TIMP2: variants seen among roughly 807,000 people sequenced by gnomAD.
TIMP2 encodes metalloproteinase inhibitor 2.
Under a neutral mutation model 24.3 loss-of-function variants are expected in TIMP2, and 5 were observed. The ratio of observed to expected loss-of-function variants is 0.21; its 90% CI spans 0.11 to 0.43. The LOEUF (loss-of-function observed/expected upper bound fraction) is 0.43. Ranked by LOEUF, TIMP2 falls within the 20% of genes least tolerant of loss-of-function variation. The pLI is 1.00. For synonymous variants in TIMP2, 130 were observed against 123.2 expected (o/e 1.06, Z -0.37); for missense variants, 221 against 297.5 (o/e 0.74, Z 1.89).
At chr17:78,918,814 C>T (rs889505971) in intron 1 of TIMP2, among the ~76,000 whole-genome samples, 7 of 152,084 alleles carry the variant, frequency 4.6e-5, no homozygotes, top group African/African-American at 1.4e-4. Flanking sequence ...GCCTGGGCAA[C>T]ATGGCGAAAC....
intron 1 of TIMP2, among the ~76,000 whole-genome samples, chr17:78,921,690 C>T (rs1479873005): frequency 2.0e-5 from 3 of 152,208 alleles, no homozygotes; most frequent in Admixed American, 6.5e-5. Flanking sequence ...ACACAAAATG[C>T]TTCCCGTTTG....
At position 78,874,763 on chromosome 17, in the gene TIMP2, C is replaced by T. The variant is rs972797128; in HGVS notation, c.131-844G>A. On this transcript the variant is annotated intron_variant, in intron 1 of 4. Transcript: ENST00000262768. ...CGGTTAATTTTTTTTTTTTTTCAGA[C>T]GGAGTCTCACTCTGTCGTCCAGGCT... Among the ~76,000 whole-genome samples the T allele has an allele frequency of 5.1e-5, 7 of 137,372 alleles. No homozygotes were observed. In the East Asian group the frequency reaches 9.1e-4, roughly 18 times the overall value. 90.1% of individuals were successfully genotyped at this position (137,372 alleles called of 152,430 possible).
At chr17:78,922,763 G>T (rs139703666) in intron 1 of TIMP2, among the ~76,000 whole-genome samples, 3 of 152,088 alleles carry the variant, frequency 2.0e-5, no homozygotes, top group African/African-American at 7.2e-5. Flanking sequence ...AGGCTGCAGC[G>T]AGCCGAGATT....
intron 1 of TIMP2, among the ~76,000 whole-genome samples, chr17:78,923,361 C>G (rs2070322226): frequency 7.0e-6 from 1 of 143,042 alleles, no homozygotes; most frequent in South Asian, 2.3e-4. Flanking sequence ...TGGACATTCT[C>G]CCACACAGCT....
chr17:78,870,433 G>C (rs111936444), intron 3 of TIMP2, among the ~76,000 whole-genome samples: 1 of 134,258 alleles, frequency 7.4e-6, no homozygotes, highest in Non-Finnish European at 1.6e-5. Flanking sequence ...AAGAAAGAAA[G>C]AAAGAAAGAA....
intron 3 of TIMP2, among the ~76,000 whole-genome samples, chr17:78,859,421 A>G (rs540578130): frequency 1.3e-5 from 2 of 152,320 alleles, no homozygotes; most frequent in East Asian, 3.9e-4. Context: ...GCACTTTGGG[A>G]GGCTGAGGTG....
chr17:78,892,271 T>G, intron 1 of TIMP2: 1 of 1,550,840 alleles, frequency 6.4e-7, no homozygotes, highest in Non-Finnish European at 8.7e-7. Flanking sequence ...TTTGTGCTTT[T>G]TCCTCCAAAG....
chr17:78,915,765 A>G (rs2145794921), intron 1 of TIMP2, among the ~76,000 whole-genome samples: 1 of 151,894 alleles, frequency 6.6e-6, no homozygotes, highest in Non-Finnish European at 1.5e-5. Flanking sequence ...GGCGATCCAC[A>G]TGCCTCGGCC....
At chr17:78,905,582 C>T (rs1395589073) in intron 1 of TIMP2, among the ~76,000 whole-genome samples, 10 of 152,218 alleles carry the variant, frequency 6.6e-5, no homozygotes, top group Non-Finnish European at 5.9e-5. Flanking sequence ...CAGGATGGCA[C>T]GCTAGGCCTT....
At chr17:78,856,037 G>A in intron 4 of TIMP2, 173 bp from the exon 5 acceptor site, 1 of 656,760 alleles carries the variant, frequency 1.5e-6, no homozygotes, top group Admixed American at 2.5e-5. Flanking sequence ...GCCTGCGAGG[G>A]GGTCTAACCT....
At chr17:78,875,208 A>C (rs2069718988) in intron 1 of TIMP2, among the ~76,000 whole-genome samples, 1 of 152,182 alleles carries the variant, frequency 6.6e-6, no homozygotes, top group Non-Finnish European at 1.5e-5. Context: ...CACAGAGTCT[A>C]TCAGGGGCAC....
At chr17:78,867,865 C>T (rs1440201497) in intron 3 of TIMP2, among the ~76,000 whole-genome samples, 2 of 152,100 alleles carry the variant, frequency 1.3e-5, no homozygotes, top group Non-Finnish European at 2.9e-5. Context: ...TCCCAAAGTG[C>T]TAGGATTACA....
chr17:78,886,873 C>T (rs888421499), intron 1 of TIMP2, among the ~76,000 whole-genome samples: 2 of 152,064 alleles, frequency 1.3e-5, no homozygotes, highest in Admixed American at 6.5e-5. Flanking sequence ...TATAGGTGCA[C>T]GCCAGTATGC....
At position 78,891,953 on chromosome 17, in the gene TIMP2, A is replaced by C. The variant is rs1170695072; in HGVS notation, c.131-18034T>G. ...GGAGTGCCTGGGGTGTTGCTGGCCC[A>C]ACTCTTCCCTGCAACTCCTCTCTTC... On this transcript the variant is annotated intron_variant, in intron 1 of 4. Transcript: ENST00000262768. The surrounding 1 kb of genome is among the most constrained non-coding windows in gnomAD (Gnocchi z 4.5). The C allele has an allele frequency of 6.4e-7, 1 of 1,550,468 alleles. No homozygotes were observed. Among genetic ancestry groups the C allele is most frequent in the Admixed American group, 2.0e-5 (1 of 50,996 alleles).
At chr17:78,863,972 G>A (rs555365304) in intron 3 of TIMP2, among the ~76,000 whole-genome samples, 4 of 152,252 alleles carry the variant, frequency 2.6e-5, no homozygotes, top group Admixed American at 6.5e-5. Flanking sequence ...GGACATTAAC[G>A]AGTCAGGTGT....
intron 3 of TIMP2, among the ~76,000 whole-genome samples, chr17:78,858,360 G>A (rs1369905958): frequency 2.6e-5 from 4 of 151,144 alleles, no homozygotes; most frequent in South Asian, 2.1e-4. Context: ...GGAGAATGGC[G>A]TGAACCCGGG....
intron 1 of TIMP2, among the ~76,000 whole-genome samples, chr17:78,894,021 G>C (rs941639114): frequency 6.6e-6 from 1 of 152,154 alleles, no homozygotes; most frequent in Non-Finnish European, 1.5e-5. Context: ...GTGGAACCAG[G>C]CTAAGCCTTT....
At chr17:78,857,479 A>G (rs757601585) in intron 4 of TIMP2, 43 bp downstream of exon 4, 1 of 1,613,140 alleles carries the variant, frequency 6.2e-7, no homozygotes, top group Non-Finnish European at 8.5e-7. Context: ...ATCTGGAGAC[A>G]CTGGGAGGAG....
chr17:78,920,156 C>A lies in TIMP2; in HGVS notation c.130+4803G>T, dbSNP rs1033923277. 6.6e-6 allele frequency among the ~76,000 whole-genome samples: 1 copy of A among 152,166 alleles called. No homozygotes were observed. Among genetic ancestry groups the A allele is most frequent in the Non-Finnish European group, 1.5e-5 (1 of 68,022 alleles). On this transcript the variant is annotated intron_variant, in intron 1 of 4. Transcript: ENST00000262768. This position sits in a 1 kb window ranked among gnomAD's most constrained non-coding sequence, Gnocchi z 4.5. ...CATCAGGACTGGAGACGGCTGCCCG[C>A]GCCTCTCAGTCTCCCAGGAGTCATC... is the stretch of plus-strand genomic sequence containing the variant.
Sources: allele counts gnomAD v4.1 joint callset (sites outside exome capture counted in the v4.1 genomes callset), GRCh38; gene constraint gnomAD v4.1.1; non-coding constraint Gnocchi (gnomAD v3.1); transcripts MANE v1.5; gene names NCBI Gene and HGNC (gene_info 2026-07-23, HGNC 2026-07-21).